Variants in TCP11L1 observed in about 807,000 individuals in gnomAD.
The protein encoded by TCP11L1 is T-complex protein 11-like protein 1.
A neutral mutation model predicts 48.9 loss-of-function variants in TCP11L1; 28 were observed. The ratio of observed to expected loss-of-function variants is 0.57; its 90% CI spans 0.42 to 0.78. TCP11L1 has a LOEUF of 0.78. Among genes scored for constraint, TCP11L1 ranks in the 30% least tolerant of loss-of-function variants. The pLI is 0.00. For synonymous variants in TCP11L1, 204 were observed against 231.9 expected, an observed-to-expected ratio of 0.88 and a Z score of 1.09; for missense variants, 505 against 613.4, an observed-to-expected ratio of 0.82 and a Z score of 1.87.
rs748422343 is a variant in TCP11L1, at chr11:33,058,177, A to G, written c.638+38A>G. On this transcript the variant is annotated intron_variant, in intron 5 of 9. Transcript: ENST00000334274. ...GTTAATCATACTCCGTGCAACTACA[A>G]TTCAGAGGCATTTTCTTTTTTTTCT... The G allele has an allele frequency of 1.1e-5, 16 of 1,518,904 alleles. No homozygotes were observed. In the South Asian group the frequency reaches 1.5e-4, roughly 14 times the overall value. The allele number at this position is 1,518,904 out of a possible 1,614,324, so 94.1% of individuals were successfully genotyped here. A position where few individuals can be genotyped will look rare whatever the true frequency, so the allele number is the denominator to read the frequency against.
At chr11:33,072,370 G>C (rs1590247938) in intron 9 of TCP11L1, 104 bp from the exon 10 acceptor site, 1 of 1,210,418 alleles carries the variant, frequency 8.3e-7, no homozygotes, top group South Asian at 1.3e-5. Flanking sequence ...ATTGATCGGG[G>C]ACAACTTCCC....
At chr11:33,042,876 G>A (rs1216020922) in intron 1 of TCP11L1, among the ~76,000 whole-genome samples, 1 of 152,142 alleles carries the variant, frequency 6.6e-6, no homozygotes, top group Admixed American at 6.5e-5. Context: ...AACCAGCCTG[G>A]CCAACATGGT....
In TCP11L1 at chr11:33,065,994, A is replaced by G; in HGVS notation, c.1137A>G (p.Leu379=). The G allele has an allele frequency of 6.2e-7, 1 of 1,614,056 alleles. No homozygotes were observed. Among genetic ancestry groups the G allele is most frequent in the Non-Finnish European group, 8.5e-7 (1 of 1,179,936 alleles). Residue 379 remains leucine, a synonymous_variant, in exon 8 of 10, where the codon CTA becomes CTG. Coordinates refer to ENST00000334274, the MANE Select transcript of TCP11L1 (RefSeq NM_018393.4). ...TCAAGATGATTGTGAAGATTTTGCTAACAGATATGCACCTGCCGTAAGTGG... is the reference window on the plus strand; with the variant it reads ...TCAAGATGATTGTGAAGATTTTGCTGACAGATATGCACCTGCCGTAAGTGG... ...EKLKMIVKIL[L]TDMHLPSFHL... is the part of the protein sequence containing the mutation.
At chr11:33,040,095 CG>C (rs201592406) in intron 1 of TCP11L1, 23,235 of 148,584 alleles carry the variant, frequency 0.16, 1,837 homozygotes, top group Middle Eastern at 0.23. Context: ...TTCCCGGCGC[CG>C]GGGGACAGAG....
chr11:33,043,733 GT>G lies in TCP11L1; in HGVS notation c.-24-10del. On this transcript the variant is annotated splice_polypyrimidine_tract_variant and intron_variant, in intron 1 of 9. Coordinates refer to ENST00000334274, the MANE Select transcript of TCP11L1 (RefSeq NM_018393.4). ...AGAATACTTTTAGTTCTTTTTTTTTGTTTTTTTCTTTCCTAGGAAAGTGAAT... is the reference window on the plus strand; with the variant it reads ...AGAATACTTTTAGTTCTTTTTTTTTGTTTTTTCTTTCCTAGGAAAGTGAAT... The G allele has an allele frequency of 3.9e-6, 6 of 1,550,284 alleles. No homozygotes were observed. The highest frequency in any genetic ancestry group is 1.2e-5 in the South Asian group (1 of 81,798).
intron 1 of TCP11L1, chr11:33,040,132 C>T (rs1853787250): frequency 6.6e-6 from 1 of 151,268 alleles, no homozygotes; most frequent in Admixed American, 6.6e-5. Context: ...GCCGAAAGAC[C>T]CTTTCTGCTG....
chr11:33,054,843 G>A, intron 3 of TCP11L1, 118 bp downstream of exon 3: 1 of 1,211,746 alleles, frequency 8.3e-7, no homozygotes, highest in Non-Finnish European at 1.1e-6. Flanking sequence ...GTACATTATT[G>A]CTAAAAAATA....
At chr11:33,050,707 A>C (rs542623599) in intron 2 of TCP11L1, among the ~76,000 whole-genome samples, 1 of 152,318 alleles carries the variant, frequency 6.6e-6, no homozygotes, top group African/African-American at 2.4e-5. Flanking sequence ...TGTACATTTT[A>C]AATTTTGATA....
chr11:33,051,093 G>T (rs1467797317), intron 2 of TCP11L1, among the ~76,000 whole-genome samples: 1 of 152,136 alleles, frequency 6.6e-6, no homozygotes, highest in Admixed American at 6.6e-5. Flanking sequence ...TTACAGGCAT[G>T]AGCCACCATG....
rs1365638215 is a variant in TCP11L1 at position 33,072,945 on chromosome 11, C to T, written c.*269C>T. 1 of 429,990 alleles carries T rather than the reference C, an allele frequency of 2.3e-6. No individual in the cohort carries two copies. Among genetic ancestry groups the T allele is most frequent in the Non-Finnish European group, 4.3e-6 (1 of 233,034 alleles). The allele number at this position is 429,990 out of a possible 1,614,324, so 26.6% of individuals were successfully genotyped here. On this transcript the variant is annotated 3_prime_UTR_variant, in exon 10 of 10. Coordinates refer to ENST00000334274, the MANE Select transcript of TCP11L1 (RefSeq NM_018393.4). Reference sequence around the variant, plus strand: ...TACAGGTAACACTCAGCTGTTGTCTCCACTCCTCCCCCATCATGTCCTTCC... The same window carrying T: ...TACAGGTAACACTCAGCTGTTGTCTTCACTCCTCCCCCATCATGTCCTTCC...
chr11:33,047,406 A>G (rs1854030626), intron 2 of TCP11L1, among the ~76,000 whole-genome samples: 2 of 152,334 alleles, frequency 1.3e-5, no homozygotes, highest in Middle Eastern at 3.4e-3. Context: ...AAAATCTTCT[A>G]CTACTTATAC....
intron 9 of TCP11L1, among the ~76,000 whole-genome samples, chr11:33,070,769 A>G (rs1367907089): frequency 1.3e-5 from 2 of 151,292 alleles, no homozygotes; most frequent in Admixed American, 6.6e-5. Context: ...TGGGAGGCCA[A>G]GGTGGGCAGA....
At chr11:33,043,723 C>CT (rs755218464) in intron 1 of TCP11L1, 27 bp from the exon 2 acceptor site, 478 of 1,523,672 alleles carry the variant, frequency 3.1e-4, no homozygotes, top group South Asian at 5.9e-4. Flanking sequence ...ACTTTTAGTT[C>CT]TTTTTTTTTG....
chr11:33,051,360 G>T (rs1167854015), intron 2 of TCP11L1, among the ~76,000 whole-genome samples: 2 of 151,522 alleles, frequency 1.3e-5, no homozygotes, highest in African/African-American at 4.9e-5. Context: ...GTAGAGATGG[G>T]GTTTCACCGT....
At chr11:33,058,788 C>G (rs1277589426) in intron 5 of TCP11L1, among the ~76,000 whole-genome samples, 171 bp from the exon 6 acceptor site, 2 of 151,990 alleles carry the variant, frequency 1.3e-5, no homozygotes, top group Non-Finnish European at 2.9e-5. Context: ...CATGTTGTCA[C>G]ATTTGCTATG....
chr11:33,054,702 A>G lies in TCP11L1; in HGVS notation c.273A>G (p.Lys91=). 6.2e-7 allele frequency: 1 copy of G among 1,613,348 alleles called. No homozygotes were observed. Among genetic ancestry groups the G allele is most frequent in the South Asian group, 1.1e-5 (1 of 90,824 alleles). ...EIVVNGDFQI[K]PVELPENSLK... is the part of the protein sequence containing the mutation. ...TAGTAAATGGAGACTTTCAGATTAA[A>G]CCAGTTGAATTACCAGAAAACAGGT... Residue 91 remains lysine (K), a synonymous_variant, in exon 3 of 10, where the codon AAA becomes AAG. Coordinates refer to ENST00000334274, the MANE Select transcript of TCP11L1 (RefSeq NM_018393.4).
At chr11:33,042,939 G>A (rs571870815) in intron 1 of TCP11L1, among the ~76,000 whole-genome samples, 5 of 152,182 alleles carry the variant, frequency 3.3e-5, no homozygotes, top group African/African-American at 4.8e-5. Flanking sequence ...GGTGGTGGGC[G>A]CCTATAATCC....
chr11:33,044,104 G>T, intron 2 of TCP11L1, 168 bp downstream of exon 2: 1 of 599,230 alleles, frequency 1.7e-6, no homozygotes, highest in Non-Finnish European at 2.7e-6. Flanking sequence ...CTAGCTACTT[G>T]TGGATTTTCA....
intron 3 of TCP11L1, chr11:33,056,827 T>C (rs1854323443): frequency 6.3e-6 from 2 of 319,678 alleles, no homozygotes; most frequent in South Asian, 4.6e-5. Context: ...AGCTTTGAAC[T>C]TTCCAATATT....
Sources: gnomAD v4.1 joint callset for allele counts (sites outside exome capture counted in the v4.1 genomes callset) on GRCh38, gnomAD v4.1.1 for gene constraint, MANE v1.5 for transcripts, NCBI Gene and HGNC (gene_info 2026-07-23, HGNC 2026-07-21) for gene names.